Variants in HELQ observed in about 807,000 individuals in gnomAD.
HELQ encodes the protein helicase POLQ-like.
Under a neutral mutation model 111.6 loss-of-function variants are expected in HELQ, and 77 were observed. The observed-to-expected ratio is 0.69, with a 90% confidence interval of 0.57 to 0.83. HELQ has a LOEUF of 0.83. Among genes scored for constraint, HELQ ranks in the 40% least tolerant of loss-of-function variants. The pLI is 0.00. For synonymous variants in HELQ, 438 were observed against 454.7 expected, an observed-to-expected ratio of 0.96 and a Z score of 0.47; for missense variants, 1,200 against 1,288.5, an observed-to-expected ratio of 0.93 and a Z score of 1.05.
In HELQ at chr4:83,427,610, C is replaced by T. The variant is rs1184958923; in HGVS notation, c.2629G>A (p.Asp877Asn). 3 of 1,603,514 alleles carry T rather than the reference C, an allele frequency of 1.9e-6. No homozygotes were observed. In the African/African-American group the frequency reaches 4.0e-5, roughly 22 times the overall value. Residue 877 changes from aspartate to asparagine, a missense_variant, in exon 13 of 18, where the codon GAT becomes AAT. Transcript: ENST00000295488. ...LHLIYLTTPY[D>N]LVSQCNPDWM... ...TCAGGGTTACACTGTGAAACCAGAT[C>T]ATAGGGGGTTGTTAGGTAGATTAGA...
chr4:83,426,435 AG>A (rs777857856), intron 13 of HELQ, among the ~76,000 whole-genome samples: 10 of 152,082 alleles, frequency 6.6e-5, no homozygotes, highest in Non-Finnish European at 8.8e-5. Context: ...ATGTAAACTC[AG>A]GAAGTTGAGA....
intron 5 of HELQ, 48 bp downstream of exon 5, chr4:83,445,966 T>C: frequency 1.7e-6 from 2 of 1,163,010 alleles, no homozygotes; most frequent in Non-Finnish European, 2.6e-6. Flanking sequence ...ATTTTATAAG[T>C]CTCTTGATTA....
At chr4:83,432,688 T>C (rs1411316622) in intron 9 of HELQ, among the ~76,000 whole-genome samples, 1 of 152,142 alleles carries the variant, frequency 6.6e-6, no homozygotes, top group Non-Finnish European at 1.5e-5. Flanking sequence ...TACATATCTA[T>C]TTATGAATTT....
chr4:83,426,077 G>T lies in HELQ; in HGVS notation c.2692C>A (p.Pro898Thr), dbSNP rs774765210. 15 of 1,599,954 alleles carry T rather than the reference G, an allele frequency of 9.4e-6. No individual in the cohort carries two copies. The highest frequency in any genetic ancestry group is 5.0e-5 in the Admixed American group (3 of 59,634). The change falls in exon 14 of 18, where the codon CCA (proline) becomes ACA (threonine). Residue 898 changes from proline to threonine, a missense_variant. Pro to Thr is a conservative substitution (Grantham distance 38, BLOSUM62 -1). Transcript: ENST00000295488. ...IYFRQFSQLS[P>T]AEQNVAAILG... ...ATGGCAGCTACATTTTGTTCTGCTG[G>T]ACTGAGTTGGCTAAACTACATGGAA...
chr4:83,435,063 G>A (rs1334460315), intron 9 of HELQ, among the ~76,000 whole-genome samples: 3 of 152,100 alleles, frequency 2.0e-5, no homozygotes, highest in Non-Finnish European at 2.9e-5. Flanking sequence ...TTCAAACACT[G>A]GCTTTAAAAC....
intron 8 of HELQ, among the ~76,000 whole-genome samples, chr4:83,438,149 T>C (rs79848235): frequency 8.5e-5 from 13 of 152,304 alleles, no homozygotes; most frequent in East Asian, 1.9e-4. Flanking sequence ...CAATCCATGA[T>C]AGTAGGATTG....
intron 15 of HELQ, among the ~76,000 whole-genome samples, chr4:83,420,420 C>G (rs929805599): frequency 6.6e-6 from 1 of 151,966 alleles, no homozygotes; most frequent in Admixed American, 6.6e-5. Flanking sequence ...ATCGCTTCAG[C>G]CTGAAGTTCA....
At chr4:83,432,357 T>G in intron 9 of HELQ, 90 bp from the exon 10 acceptor site, 1 of 951,566 alleles carries the variant, frequency 1.1e-6, no homozygotes. Flanking sequence ...ATATTAAATT[T>G]AATGACATAC....
chr4:83,416,144 C>T (rs1470949388), intron 17 of HELQ, among the ~76,000 whole-genome samples: 5 of 143,950 alleles, frequency 3.5e-5, no homozygotes, highest in South Asian at 2.2e-4. Flanking sequence ...GATGGGGTTT[C>T]ACCATGTTGG....
intron 11 of HELQ, among the ~76,000 whole-genome samples, chr4:83,430,926 C>T (rs1436457572): frequency 6.6e-6 from 1 of 152,090 alleles, no homozygotes; most frequent in Non-Finnish European, 1.5e-5. Context: ...ATCCCTCTAT[C>T]TACCATCATG....
rs113219224 is a variant in HELQ at position 83,416,839 on chromosome 4, T to C, written c.3090A>G (p.Ala1030=). The C allele has an allele frequency of 1.4e-4, 229 of 1,613,312 alleles. No homozygotes were observed. The African/African-American group carries it at 2.8e-3, about 19-fold the overall frequency. ...CTAAGTGCATTAGACTTTTGTAACC[T>C]GCACTGTATAACTGTTTTGCTCGAC... The part of the protein sequence containing the change: ...LEGRAKQLYS[A]GYKSLMHLAN... The change falls in exon 17 of 18, where the codon GCA becomes GCG. Residue 1030 remains alanine, a synonymous_variant. Transcript: ENST00000295488.
chr4:83,454,062 G>T, intron 1 of HELQ, 117 bp from the exon 2 acceptor site: 1 of 679,242 alleles, frequency 1.5e-6, no homozygotes, highest in Non-Finnish European at 2.6e-6. Context: ...AAATTAGCCG[G>T]GCATAGTGGC....
intron 8 of HELQ, among the ~76,000 whole-genome samples, chr4:83,439,435 CTG>C (rs1238944941): frequency 6.6e-6 from 1 of 150,788 alleles, no homozygotes; most frequent in Non-Finnish European, 1.5e-5. Flanking sequence ...TCTCAGCTAA[CTG>C]CAACCTCCGC....
rs780881103 is a variant in HELQ, at chr4:83,427,616, G to C, written c.2623C>G (p.Pro875Ala). 23 of 1,605,084 alleles carry C rather than the reference G, an allele frequency of 1.4e-5. No individual in the cohort carries two copies. The highest frequency in any genetic ancestry group is 1.8e-5 in the Non-Finnish European group (21 of 1,176,298). ...SLLHLIYLTT[P>A]YDLVSQCNPD... ...TTACACTGTGAAACCAGATCATAGGGGGTTGTTAGGTAGATTAGATGAAGA... is the reference window on the plus strand; with the variant it reads ...TTACACTGTGAAACCAGATCATAGGCGGTTGTTAGGTAGATTAGATGAAGA... The change falls in exon 13 of 18, where the codon CCC becomes GCC. Residue 875 changes from proline to alanine, a missense_variant. By Grantham distance (27) the Pro-to-Ala change is conservative. This residue lies in a region of HELQ where 585 missense variants were observed against 665.3 expected (regional missense o/e 0.88). Transcript: ENST00000295488.
chr4:83,412,041 A>C (rs1461158738), intron 17 of HELQ, among the ~76,000 whole-genome samples: 1 of 152,200 alleles, frequency 6.6e-6, no homozygotes, highest in Non-Finnish European at 1.5e-5. Flanking sequence ...TGGAAAAGGG[A>C]GAATGACTCA....
intron 6 of HELQ, among the ~76,000 whole-genome samples, chr4:83,442,480 G>A (rs1008558387): frequency 1.3e-5 from 2 of 149,204 alleles, no homozygotes; most frequent in Non-Finnish European, 2.9e-5. Context: ...GCGCAATCTC[G>A]GCTTGCTGCA....
chr4:83,421,576 A>C lies in HELQ; in HGVS notation c.2936T>G (p.Leu979Ter), dbSNP rs867905230. The C allele has an allele frequency of 1.3e-5, 21 of 1,611,902 alleles. No homozygotes were observed. The Admixed American group carries it at 2.4e-4, about 18-fold the overall frequency. ...CAATGAAATTACCTCACAGAAATGT[A>C]ACACACAAGATGAGAATGAGGCAGT... Reference protein sequence around the residue: ...TGTASFSSCVLHFCEELEEFW... With the variant: ...TGTASFSSCV The change falls in exon 15 of 18, where the codon TTA becomes TGA. Residue 979 changes from leucine to a stop codon, truncating the protein, a stop_gained. Transcript: ENST00000295488. LOFTEE classifies it high-confidence loss of function.
rs781237364 is a variant in HELQ, at chr4:83,453,762, T to C, written c.481A>G (p.Thr161Ala). The C allele has an allele frequency of 6.1e-5, 99 of 1,614,104 alleles. No homozygotes were observed. Among genetic ancestry groups the C allele is most frequent in the Non-Finnish European group, 7.7e-5 (91 of 1,180,040 alleles). Residue 161 changes from threonine to alanine, a missense_variant, in exon 2 of 18, where the codon ACC (threonine) becomes GCC (alanine). Coordinates refer to ENST00000295488, the MANE Select transcript of HELQ (RefSeq NM_133636.5). ...TGTAATTCAGTAAGGTTGCCTATGG[T>C]AGTAATGCTGAGTTTGTTTTTGATA... ...ESIKNKLSIT[T>A]IGNLTELQTD...
chr4:83,419,768 C>T (rs76066751), intron 15 of HELQ, among the ~76,000 whole-genome samples: 11,233 of 152,038 alleles, frequency 0.074, 537 homozygotes, highest in Middle Eastern at 0.13. Context: ...TAATTTTTGT[C>T]TTCTGTTTAA....
Sources: allele counts gnomAD v4.1 joint callset (sites outside exome capture counted in the v4.1 genomes callset), GRCh38; gene constraint gnomAD v4.1.1; regional missense constraint gnomAD v4.1.1; transcripts MANE v1.5; gene names NCBI Gene and HGNC (gene_info 2026-07-23, HGNC 2026-07-21).